GANAB: variants seen among roughly 807,000 people sequenced by gnomAD.
The protein encoded by GANAB is glucosidase II alpha subunit, also known as neutral alpha-glucosidase AB.
A neutral mutation model predicts 129.9 loss-of-function variants in GANAB; 35 were observed. The observed-to-expected ratio is 0.27, with a 90% CI of 0.21 to 0.36. The LOEUF is 0.36. Ranked by LOEUF, GANAB falls within the 10% of genes least tolerant of loss-of-function variation. The pLI, the probability that GANAB is intolerant of heterozygous loss-of-function variation, is 1.00. For missense variants in GANAB, 939 were observed against 1,221.0 expected (o/e 0.77, Z 3.44); for synonymous variants, 482 against 451.8 (o/e 1.07, Z -0.85).
chr11:62,639,011 C>T lies in GANAB; in HGVS notation c.352G>A (p.Val118Ile). The T allele has an allele frequency of 1.9e-6, 3 of 1,614,078 alleles. No individual in the cohort carries two copies. Among genetic ancestry groups the T allele is most frequent in the Non-Finnish European group, 2.5e-6 (3 of 1,179,958 alleles). Residue 118 changes from valine (V) to isoleucine (I), a missense_variant, in exon 4 of 24, where the codon GTT becomes ATT. This residue lies in a region of GANAB where 321 missense variants were observed against 329.1 expected (regional missense o/e 0.98). Transcript: ENST00000356638. Reference protein sequence around the residue: ...PRRPRYRVPDVLVADPPIARL... With the variant: ...PRRPRYRVPDILVADPPIARL... ...GCTATTGGTGGATCAGCCACCAAAA[C>T]ATCTGGTACACGGTATCGGGGTCGC...
In GANAB at chr11:62,626,738, C is replaced by A. The variant is rs558511550; in HGVS notation, c.2398-54G>T. 96 of 1,374,236 alleles carry A rather than the reference C, an allele frequency of 7.0e-5. No individual in the cohort carries two copies. In the African/African-American group the frequency reaches 1.2e-3, roughly 18 times the overall value. The allele number at this position is 1,374,236 out of a possible 1,614,324, so 85.1% of individuals were successfully genotyped here. ...TTGCCCCCTTGTCCAACCTTGGGCC[C>A]CACAGCATGTTTTGCTTACTCATGT... On this transcript the variant is annotated intron_variant, in intron 20 of 23. Coordinates refer to ENST00000356638, the MANE Select transcript of GANAB (RefSeq NM_198334.3).
chr11:62,624,869 C>G lies in GANAB; in HGVS notation c.*946G>C, dbSNP rs1943291629. ...TTTATTGTTTCTCCTTTGATCAAAA[C>G]GTGTCACAGCTGGGAACCAAGAGGA... is the stretch of plus-strand genomic sequence containing the variant. On this transcript the variant is annotated 3_prime_UTR_variant, in exon 24 of 24. Transcript: ENST00000356638. 3 of 245,826 alleles carry G rather than the reference C, an allele frequency of 1.2e-5. No individual in the cohort carries two copies. Among genetic ancestry groups the G allele is most frequent in the Non-Finnish European group, 2.4e-5 (3 of 125,020 alleles). 15.2% of individuals were successfully genotyped at this position (245,826 alleles called of 1,614,324 possible).
In GANAB at chr11:62,629,653, C is replaced by T. The variant is rs1465649718; in HGVS notation, c.1769G>A (p.Arg590His). The change falls in exon 15 of 24, where the codon CGC becomes CAC. Residue 590 changes from arginine (R) to histidine (H), a missense_variant. Physicochemically the swap from Arg to His is conservative, Grantham distance 29 (BLOSUM62 0). Around this residue, in one of 5 missense-constraint regions of GANAB, gnomAD observed 147 missense variants for 282.4 expected, o/e 0.52. Coordinates refer to ENST00000356638, the MANE Select transcript of GANAB (RefSeq NM_198334.3). ...AAAGGGGCGTTCCATGCCCCCAGAGCGCTGTCTCAGCCCATCAGCAGTCGC... is the reference window on the plus strand; with the variant it reads ...AAAGGGGCGTTCCATGCCCCCAGAGTGCTGTCTCAGCCCATCAGCAGTCGC... The part of the protein sequence containing the change: ...HMATADGLRQ[R>H]SGGMERPFVL... 1.2e-6 allele frequency: 2 copies of T among 1,613,620 alleles called. No individual in the cohort carries two copies. Among genetic ancestry groups the T allele is most frequent in the Non-Finnish European group, 1.7e-6 (2 of 1,179,748 alleles).
In GANAB at chr11:62,639,453, A is replaced by G. The variant is rs1328768694; in HGVS notation, c.158T>C (p.Ile53Thr). The G allele has an allele frequency of 1.9e-6, 3 of 1,613,228 alleles. No individual in the cohort carries two copies. The highest frequency in any genetic ancestry group is 2.2e-5 in the South Asian group (2 of 91,052). ...ESSFCKRQRS[I>T]RPGLSPYRAL... ...TCGGTATGGAGAGAGGCCTGGCCGTATGCTTCTCTGTCGCCTGCCAAGTGA... is the reference window on the plus strand; with the variant it reads ...TCGGTATGGAGAGAGGCCTGGCCGTGTGCTTCTCTGTCGCCTGCCAAGTGA... Residue 53 changes from isoleucine (I) to threonine (T), a missense_variant, in exon 3 of 24, where the codon ATA becomes ACA. Physicochemically the swap from Ile to Thr is moderately conservative, Grantham distance 89. Transcript: ENST00000356638.
In GANAB at chr11:62,632,762, A is replaced by G. The variant is rs1590806088; in HGVS notation, c.816-17T>C. ...TCCCCACCCCTGCAGGCAAACAGAC[A>G]GACTTGGGCTGCTAACTGGCCCCAG... On this transcript the variant is annotated splice_polypyrimidine_tract_variant and intron_variant, in intron 8 of 23. Coordinates refer to ENST00000356638, the MANE Select transcript of GANAB (RefSeq NM_198334.3). The G allele has an allele frequency of 1.9e-6, 3 of 1,605,858 alleles. No individual in the cohort carries two copies. In the African/African-American group the frequency reaches 4.0e-5, roughly 21 times the overall value.
chr11:62,625,825 T>C lies in GANAB; in HGVS notation c.2825A>G (p.His942Arg), dbSNP rs770241716. The C allele has an allele frequency of 3.1e-6, 5 of 1,597,432 alleles. No individual in the cohort carries two copies. Among genetic ancestry groups the C allele is most frequent in the Non-Finnish European group, 3.4e-6 (4 of 1,165,318 alleles). Residue 942 changes from histidine (H) to arginine (R), a missense_variant, in exon 24 of 24, where the codon CAC (histidine) becomes CGC (arginine). Transcript: ENST00000356638. ...AGAACATCCCTTGGGTTATCGCAGG[T>C]GAATACTCCAATCAGATGCCACATT... ...GINVASDWSI[H>R]LR
intron 5 of GANAB, chr11:62,634,415 G>A: frequency 7.7e-7 from 1 of 1,306,112 alleles, no homozygotes; most frequent in Non-Finnish European, 1.1e-6. Flanking sequence ...GGAAAAAGAG[G>A]CACAAAACCA....
intron 1 of GANAB, among the ~76,000 whole-genome samples, chr11:62,641,236 C>T (rs185602687): frequency 6.4e-4 from 95 of 148,978 alleles, no homozygotes; most frequent in African/African-American, 2.2e-3. Context: ...GACAGCTACT[C>T]GGGAGGCTGA....
Position 62,629,510 on chromosome 11 carries a change from A to G in GANAB, c.1834+78T>C, listed in dbSNP as rs1943559770. 4.1e-6 allele frequency: 4 copies of G among 969,176 alleles called. No individual in the cohort carries two copies. The African/African-American group carries it at 4.9e-5, about 12-fold the overall frequency. The allele number at this position is 969,176 out of a possible 1,614,324, so 60.0% of individuals were successfully genotyped here. ...GCAGTGTGTGGCTCCCATTCCTCAG[A>G]GAGGCAGGTCCAGGTCCATGGCTCC... On this transcript the variant is annotated intron_variant, in intron 15 of 23. Transcript: ENST00000356638.
chr11:62,629,801 C>T lies in GANAB; in HGVS notation c.1737+13G>A, dbSNP rs1476709543. ...TCCCTCTTTCCACCAACTCTCCTCT[C>T]TCAGGCCCTTACCACATAAAGGCCA... On this transcript the variant is annotated intron_variant, in intron 14 of 23. Coordinates refer to ENST00000356638, the MANE Select transcript of GANAB (RefSeq NM_198334.3). 6.2e-7 allele frequency: 1 copy of T among 1,614,032 alleles called. No individual in the cohort carries two copies. The highest frequency in any genetic ancestry group is 8.5e-7 in the Non-Finnish European group (1 of 1,180,004).
At chr11:62,640,265 G>A (rs1172916036) in intron 1 of GANAB, among the ~76,000 whole-genome samples, 3 of 125,072 alleles carry the variant, frequency 2.4e-5, no homozygotes, top group Non-Finnish European at 4.9e-5. Context: ...CAGGCGCGGT[G>A]GCTCACGCCT....
In GANAB at chr11:62,638,941, G is replaced by C. The variant is rs537440403; in HGVS notation, c.380+42C>G. 2.6e-5 allele frequency: 41 copies of C among 1,605,238 alleles called. No individual in the cohort carries two copies. In the East Asian group the frequency reaches 8.7e-4, roughly 34 times the overall value. Reference sequence around the variant, plus strand: ...CCAAAAAAAGGTTCATCAGGAAGGAGAAAGGGGCCACAGAAATGGATGTTT... The same window carrying C: ...CCAAAAAAAGGTTCATCAGGAAGGACAAAGGGGCCACAGAAATGGATGTTT... On this transcript the variant is annotated intron_variant, in intron 4 of 23. Transcript: ENST00000356638.
Position 62,625,003 on chromosome 11 carries a change from C to G in GANAB, c.*812G>C, listed in dbSNP as rs1943299087. 3.4e-6 allele frequency: 1 copy of G among 296,562 alleles called. No individual in the cohort carries two copies. Among genetic ancestry groups the G allele is most frequent in the Non-Finnish European group, 6.6e-6 (1 of 152,510 alleles). The allele number at this position is 296,562 out of a possible 1,614,324, so 18.4% of individuals were successfully genotyped here. A position where few individuals can be genotyped will look rare whatever the true frequency, so the allele number is the denominator to read the frequency against. ...AGCACACATGATCATCTCCCCCCACCCTCAGGCTTCTCCTAGCAATAAATA... is the reference window on the plus strand; with the variant it reads ...AGCACACATGATCATCTCCCCCCACGCTCAGGCTTCTCCTAGCAATAAATA... On this transcript the variant is annotated 3_prime_UTR_variant, in exon 24 of 24. Coordinates refer to ENST00000356638, the MANE Select transcript of GANAB (RefSeq NM_198334.3).
At chr11:62,635,911 T>C (rs1427236358) in intron 4 of GANAB, among the ~76,000 whole-genome samples, 2 of 152,116 alleles carry the variant, frequency 1.3e-5, no homozygotes, top group African/African-American at 2.4e-5. Context: ...ATTACAGGCA[T>C]GAGCTACCAC....
Position 62,639,627 on chromosome 11 carries a change from T to C in GANAB, c.143A>G (p.Lys48Arg), listed in dbSNP as rs781686871. The change falls in exon 2 of 24, where the codon AAG becomes AGG. Residue 48 changes from lysine to arginine, a missense_variant and splice_region_variant. This residue lies in a region of GANAB where 321 missense variants were observed against 329.1 expected (regional missense o/e 0.98). Transcript: ENST00000356638. ...FKTCEESSFC[K>R]RQRSIRPGLS... ...TCCCTCTCCCCCAGAAATATCATAC[T>C]TGCAGAAAGAACTCTCTTCACAGGT... 1.9e-6 allele frequency: 3 copies of C among 1,600,936 alleles called. No homozygotes were observed. In the Admixed American group the frequency reaches 5.0e-5, roughly 27 times the overall value.
intron 1 of GANAB, among the ~76,000 whole-genome samples, chr11:62,642,722 C>A (rs188166328): frequency 6.6e-6 from 1 of 152,078 alleles, no homozygotes; most frequent in Non-Finnish European, 1.5e-5. Flanking sequence ...GTTGTGTCAT[C>A]GCGCCCCACT....
chr11:62,633,633 G>A, intron 5 of GANAB, 119 bp from the exon 6 acceptor site: 10 of 834,146 alleles, frequency 1.2e-5, no homozygotes, highest in Non-Finnish European at 2.0e-5. Flanking sequence ...ATTGGAGGAA[G>A]GGACTAAATG....
At chr11:62,629,464 C>G in intron 15 of GANAB, 124 bp downstream of exon 15, 2 of 810,400 alleles carry the variant, frequency 2.5e-6, no homozygotes, top group East Asian at 5.0e-5. Flanking sequence ...CTTCAAAGCG[C>G]ATAGCTGAGA....
chr11:62,629,462 C>G, intron 15 of GANAB, 126 bp downstream of exon 15: 2 of 803,286 alleles, frequency 2.5e-6, no homozygotes, highest in East Asian at 5.0e-5. Context: ...TCCTTCAAAG[C>G]GCATAGCTGA....
Sources: gnomAD v4.1 joint callset for allele counts (sites outside exome capture counted in the v4.1 genomes callset) on GRCh38, gnomAD v4.1.1 for gene constraint, gnomAD v4.1.1 regional missense constraint, MANE v1.5 for transcripts, NCBI Gene and HGNC (gene_info 2026-07-23, HGNC 2026-07-21) for gene names.